HDLBP: variants seen among roughly 807,000 people sequenced by gnomAD.
The protein encoded by HDLBP is vigilin.
Under a neutral mutation model 137.3 loss-of-function variants are expected in HDLBP, and 30 were observed. The observed-to-expected ratio is 0.22, with a 90% CI of 0.16 to 0.30. The LOEUF (loss-of-function observed/expected upper bound fraction) is 0.30, where lower values mean the gene tolerates loss of function less well. Ranked by LOEUF, HDLBP falls within the 10% of genes least tolerant of loss-of-function variation. The pLI is 1.00. For synonymous variants in HDLBP, 606 were observed against 596.0 expected (o/e 1.02, Z -0.24); for missense variants, 1,119 against 1,667.3 (o/e 0.67, Z 5.73).
Position 241,272,324 on chromosome 2 carries a change from G to C in HDLBP, c.-102-3783C>G, listed in dbSNP as rs969612845. 3.0e-6 allele frequency: 3 copies of C among 983,856 alleles called. No homozygotes were observed. The highest frequency in any genetic ancestry group is 3.6e-6 in the Non-Finnish European group (3 of 828,844). The allele number at this position is 983,856 out of a possible 1,614,324, so 60.9% of individuals were successfully genotyped here. ...CCGCACACGGCGCCCCCGCCGGAGC[G>C]GGGGAGGGGAGGGCCGGCCCCGCCA... On this transcript the variant is annotated intron_variant, in intron 1 of 27. Coordinates refer to ENST00000310931, the MANE Select transcript of HDLBP (RefSeq NM_005336.6). The surrounding 1 kb of genome is among the most constrained non-coding windows in gnomAD (Gnocchi z 5.6).
chr2:241,242,356 C>T (rs1322494756), intron 17 of HDLBP, 104 bp downstream of exon 17: 23 of 972,790 alleles, frequency 2.4e-5, no homozygotes, highest in Non-Finnish European at 3.2e-5. Context: ...TTTTCTGACC[C>T]GCCACAAAGG....
chr2:241,233,019 C>T lies in HDLBP; in HGVS notation c.3288+801G>A, dbSNP rs1364912302. 1.3e-5 allele frequency among the ~76,000 whole-genome samples: 2 copies of T among 152,036 alleles called. No individual in the cohort carries two copies. The highest frequency in any genetic ancestry group is 4.8e-5 in the African/African-American group (2 of 41,386). On this transcript the variant is annotated intron_variant, in intron 24 of 27. Transcript: ENST00000310931. The surrounding 1 kb of genome is among the most constrained non-coding windows in gnomAD (Gnocchi z 4.3). ...GGGGAAGGGGAAGCAGCGGAAAACC[C>T]TGGGCGGCACATCCACAGTGGGAGC...
At chr2:241,236,398 G>A (rs2070442009) in intron 21 of HDLBP, 8 of 582,330 alleles carry the variant, frequency 1.4e-5, no homozygotes, top group Non-Finnish European at 2.4e-5. Context: ...CCAGAAAGGG[G>A]CTATAGAACC....
At position 241,249,890 on chromosome 2, in the gene HDLBP, T is replaced by C; in HGVS notation, c.1463A>G (p.Gln488Arg). The change falls in exon 12 of 28, where the codon CAG becomes CGG. Residue 488 changes from glutamine (Q) to arginine (R), a missense_variant. Physicochemically the swap from Gln to Arg is conservative, Grantham distance 43. Around this residue, in one of 4 missense-constraint regions of HDLBP, gnomAD observed 425 missense variants for 693.9 expected, o/e 0.61. Coordinates refer to ENST00000310931, the MANE Select transcript of HDLBP (RefSeq NM_005336.6). ...CTCTCGCTTGGCCTGCTGCACGCCC[T>C]GTGGGTCCCCCTCGATGCGGATCAA... Reference protein sequence around the residue: ...SNLIRIEGDPQGVQQAKRELL... With the variant: ...SNLIRIEGDPRGVQQAKRELL... 1 of 1,613,962 alleles carries C rather than the reference T, an allele frequency of 6.2e-7. No individual in the cohort carries two copies.
intron 24 of HDLBP, among the ~76,000 whole-genome samples, chr2:241,231,747 A>C (rs2069786661): frequency 1.3e-5 from 2 of 152,108 alleles, no homozygotes. Flanking sequence ...ACCATACCAG[A>C]CTTGGGATAG....
rs944103334 is a variant in HDLBP, at chr2:241,230,182, C to T, written c.3562G>A (p.Asp1188Asn). The T allele has an allele frequency of 1.9e-6, 3 of 1,613,420 alleles. No individual in the cohort carries two copies. Among genetic ancestry groups the T allele is most frequent in the Admixed American group, 1.7e-5 (1 of 60,016 alleles). The stretch of plus-strand genomic sequence containing the variant: ...TCCTCCTCCAGATTGAGGATGTGGT[C>T]GATGGCTTCCTCCACATTCTCTGGG... ...GLPENVEEAI[D>N]HILNLEEEYL... The change falls in exon 26 of 28, where the codon GAC (aspartate) becomes AAC (asparagine). Residue 1188 changes from aspartate (D) to asparagine (N), a missense_variant. Transcript: ENST00000310931. This position sits in a 1 kb window ranked among gnomAD's most constrained non-coding sequence, Gnocchi z 5.0.
chr2:241,287,531 C>T (rs922707764), intron 1 of HDLBP, among the ~76,000 whole-genome samples: 3 of 151,386 alleles, frequency 2.0e-5, no homozygotes, highest in Non-Finnish European at 4.4e-5. Flanking sequence ...AGCGATTCTC[C>T]CACCTCAGCC....
intron 1 of HDLBP, among the ~76,000 whole-genome samples, chr2:241,294,121 G>C (rs1366405839): frequency 1.3e-5 from 2 of 152,154 alleles, no homozygotes; most frequent in Non-Finnish European, 2.9e-5. Flanking sequence ...GGCAGTAATT[G>C]TATCTTCTGG....
At chr2:241,273,319 C>T (rs2149590106) in intron 1 of HDLBP, 1 of 829,384 alleles carries the variant, frequency 1.2e-6, no homozygotes, top group African/African-American at 1.8e-5. Context: ...TATAAACTAT[C>T]CCCACCCGAT....
chr2:241,300,795 T>C (rs926887457), intron 1 of HDLBP, among the ~76,000 whole-genome samples: 2 of 152,186 alleles, frequency 1.3e-5, no homozygotes, highest in African/African-American at 4.8e-5. Context: ...AGCAGTCTGC[T>C]GAGCTCGTTG....
chr2:241,273,624 T>C, intron 1 of HDLBP: 1 of 985,376 alleles, frequency 1.0e-6, no homozygotes, highest in Non-Finnish European at 1.2e-6. Context: ...GATGTCAGTC[T>C]GAACCTCTGG....
At chr2:241,279,566 C>T (rs573813808) in intron 1 of HDLBP, among the ~76,000 whole-genome samples, 8 of 152,256 alleles carry the variant, frequency 5.3e-5, no homozygotes, top group African/African-American at 1.7e-4. Context: ...CCAACGCAGA[C>T]ACCACAGACA....
intron 12 of HDLBP, 25 bp from the exon 13 acceptor site, chr2:241,248,373 T>C: frequency 6.4e-7 from 1 of 1,565,066 alleles, no homozygotes; most frequent in Admixed American, 1.7e-5. Context: ...AAAGTAGATG[T>C]CATTTATCAC....
At chr2:241,279,956 G>C (rs1051448618) in intron 1 of HDLBP, 3 of 985,248 alleles carry the variant, frequency 3.0e-6, no homozygotes, top group East Asian at 1.1e-4. Flanking sequence ...ACAGGAACCC[G>C]CTGCAGTGGA....
At chr2:241,258,325 C>T (rs894750834) in intron 5 of HDLBP, among the ~76,000 whole-genome samples, 3 of 119,938 alleles carry the variant, frequency 2.5e-5, no homozygotes, top group South Asian at 2.7e-4. Flanking sequence ...CCAGCCTGGG[C>T]GACAGAGCAA....
Position 241,233,735 on chromosome 2 carries a change from T to C in HDLBP, c.3288+85A>G. ...TCAACTTGGCCCTCGAACCCCCATC[T>C]AGGCACATCTGGTTACTGCTCCCAA... On this transcript the variant is annotated intron_variant, in intron 24 of 27. Transcript: ENST00000310931. This position sits in a 1 kb window ranked among gnomAD's most constrained non-coding sequence, Gnocchi z 4.3. 6.6e-7 allele frequency: 1 copy of C among 1,505,852 alleles called. No homozygotes were observed. Among genetic ancestry groups the C allele is most frequent in the South Asian group, 1.2e-5 (1 of 84,830 alleles). The allele number at this position is 1,505,852 out of a possible 1,614,324, so 93.3% of individuals were successfully genotyped here.
In HDLBP at chr2:241,229,226, A is replaced by C; in HGVS notation, c.*375T>G. On this transcript the variant is annotated 3_prime_UTR_variant, in exon 28 of 28. Transcript: ENST00000310931. ...GAGGGCAAACGTTTGGCTTTTATAA[A>C]GTCAAGGACGTTTATTTCCTGAGGT... is the stretch of plus-strand genomic sequence containing the variant. The C allele has an allele frequency of 4.5e-6, 1 of 221,880 alleles. No individual in the cohort carries two copies. Among genetic ancestry groups the C allele is most frequent in the Non-Finnish European group, 9.2e-6 (1 of 109,274 alleles). 13.7% of individuals were successfully genotyped at this position (221,880 alleles called of 1,614,324 possible).
rs780105002 is a variant in HDLBP, at chr2:241,256,802, G to A, written c.455C>T (p.Ser152Leu). The change falls in exon 6 of 28, where the codon TCA (serine) becomes TTA (leucine). Residue 152 changes from serine (S) to leucine (L), a missense_variant. Transcript: ENST00000310931. ...DIVARLQTQA[S>L]ATVAIPKEHH... is the part of the protein sequence containing the mutation. ...TTCTTTGGGAATGGCAACAGTTGCT[G>A]AGGCCTATAGCAAGAAGAGAATAAA... 44 of 1,612,588 alleles carry A rather than the reference G, an allele frequency of 2.7e-5. No individual in the cohort carries two copies. Among genetic ancestry groups the A allele is most frequent in the Non-Finnish European group, 3.6e-5 (43 of 1,178,706 alleles).
At position 241,256,724 on chromosome 2, in the gene HDLBP, A is replaced by G. The variant is rs2072643671; in HGVS notation, c.533T>C (p.Leu178Pro). The G allele has an allele frequency of 1.9e-6, 3 of 1,614,102 alleles. No individual in the cohort carries two copies. The highest frequency in any genetic ancestry group is 2.5e-6 in the Non-Finnish European group (3 of 1,180,050). The change falls in exon 6 of 28, where the codon CTA (leucine) becomes CCA (proline). Residue 178 changes from leucine (L) to proline (P), a missense_variant. Coordinates refer to ENST00000310931, the MANE Select transcript of HDLBP (RefSeq NM_005336.6). ...GATCTGGATTTTGGTTGCAGTTTTT[A>G]GCTCCAAGTCTTGCAGTTTCTCTCC... is the stretch of plus-strand genomic sequence containing the variant. ...KNGEKLQDLE[L>P]KTATKIQIPR...
Sources: allele counts gnomAD v4.1 joint callset (sites outside exome capture counted in the v4.1 genomes callset), GRCh38; gene constraint gnomAD v4.1.1; regional missense constraint gnomAD v4.1.1; non-coding constraint Gnocchi (gnomAD v3.1); transcripts MANE v1.5; gene names NCBI Gene and HGNC (gene_info 2026-07-23, HGNC 2026-07-21).